Variants in FAM120A observed in about 807,000 individuals in gnomAD.
FAM120A encodes family with sequence similarity 120 member A, also known as constitutive coactivator of PPAR-gamma-like protein 1.
Under a neutral mutation model 109.7 loss-of-function variants are expected in FAM120A, and 15 were observed. The observed-to-expected ratio is 0.14, with a 90% CI of 0.09 to 0.21. The LOEUF is 0.21. FAM120A is among the 10% of genes least tolerant of loss of function. FAM120A has a pLI of 1.00. For synonymous variants in FAM120A, 493 were observed against 572.8 expected, an observed-to-expected ratio of 0.86 and a Z score of 1.99; for missense variants, 899 against 1,439.3, an observed-to-expected ratio of 0.62 and a Z score of 6.07.
intron 4 of FAM120A, 113 bp downstream of exon 4, chr9:93,497,712 G>T (rs537179401): frequency 6.6e-5 from 85 of 1,294,224 alleles, no homozygotes; most frequent in Admixed American, 2.6e-4. Context: ...GACTGGATGG[G>T]TCTGAGAGCT....
At chr9:93,506,744 C>T (rs1231929759) in intron 5 of FAM120A, among the ~76,000 whole-genome samples, 1 of 152,014 alleles carries the variant, frequency 6.6e-6, no homozygotes, top group African/African-American at 2.4e-5. Context: ...ATTACAGGTG[C>T]CTGCCACCAT....
chr9:93,521,799 C>T (rs1417746656), intron 7 of FAM120A, among the ~76,000 whole-genome samples: 2 of 152,200 alleles, frequency 1.3e-5, no homozygotes, highest in Non-Finnish European at 2.9e-5. Flanking sequence ...TTAAGAATTA[C>T]AGTTGAGGCC....
intron 1 of FAM120A, chr9:93,453,159 G>C: frequency 1.0e-6 from 1 of 1,003,060 alleles, no homozygotes; most frequent in Non-Finnish European, 1.2e-6. Context: ...CTCAAAATCA[G>C]GGGGCGAACT....
intron 5 of FAM120A, among the ~76,000 whole-genome samples, chr9:93,511,474 G>A (rs1437006389): frequency 6.6e-6 from 1 of 152,200 alleles, no homozygotes; most frequent in Admixed American, 6.5e-5. Context: ...TCTCCCTATA[G>A]GATGGCCAGA....
At chr9:93,535,806 A>G (rs905473190) in intron 10 of FAM120A, among the ~76,000 whole-genome samples, 1 of 152,202 alleles carries the variant, frequency 6.6e-6, no homozygotes. Flanking sequence ...TGTGATTGTT[A>G]AGTCTCAATG....
chr9:93,558,788 T>A (rs1413315344), intron 15 of FAM120A, 70 bp downstream of exon 15: 1 of 1,560,906 alleles, frequency 6.4e-7, no homozygotes. Flanking sequence ...TCTGGCGCCT[T>A]CCTTCCTCTA....
chr9:93,469,537 T>G (rs886922450), intron 1 of FAM120A, among the ~76,000 whole-genome samples: 2 of 152,214 alleles, frequency 1.3e-5, no homozygotes, highest in Non-Finnish European at 2.9e-5. Flanking sequence ...AAGTTGTACA[T>G]AATAAAAAGA....
intron 1 of FAM120A, among the ~76,000 whole-genome samples, chr9:93,454,722 A>G (rs915029180): frequency 6.6e-6 from 1 of 152,226 alleles, no homozygotes; most frequent in Non-Finnish European, 1.5e-5. Context: ...TGTTTATTCT[A>G]TAAGGATGAT....
intron 7 of FAM120A, 61 bp downstream of exon 7, chr9:93,516,330 T>A (rs1223897437): frequency 1.3e-6 from 2 of 1,590,224 alleles, no homozygotes; most frequent in Non-Finnish European, 1.7e-6. Context: ...GAAGCTGCCT[T>A]CTGGCCTGCC....
rs777861682 is a variant in FAM120A, at chr9:93,558,673, G to C, written c.2761G>C (p.Ala921Pro). ...GGCGGCAGCATCGGGACACTGCGGA[G>C]CCTTCTCAGGCAGTGACAGCAGCAG... The part of the protein sequence containing the change: ...RVAAASGHCG[A>P]FSGSDSSRTS... Residue 921 changes from alanine to proline, a missense_variant, in exon 15 of 18, where the codon GCC becomes CCC. Coordinates refer to ENST00000277165, the MANE Select transcript of FAM120A (RefSeq NM_014612.5). 1.4e-5 allele frequency: 22 copies of C among 1,614,146 alleles called. No homozygotes were observed. The highest frequency in any genetic ancestry group is 1.1e-5 in the Non-Finnish European group (13 of 1,180,020).
chr9:93,510,876 A>T (rs1166296836), intron 5 of FAM120A, among the ~76,000 whole-genome samples: 1 of 150,730 alleles, frequency 6.6e-6, no homozygotes, highest in African/African-American at 2.5e-5. Context: ...GCTACTTGAG[A>T]CTGGGGCACT....
intron 1 of FAM120A, among the ~76,000 whole-genome samples, chr9:93,457,886 A>G (rs780896021): frequency 5.9e-5 from 9 of 151,568 alleles, no homozygotes; most frequent in Non-Finnish European, 1.2e-4. Flanking sequence ...TTTTTCAATG[A>G]TCAAAATGCT....
At chr9:93,470,227 C>T (rs926315380) in intron 1 of FAM120A, among the ~76,000 whole-genome samples, 3 of 152,088 alleles carry the variant, frequency 2.0e-5, no homozygotes, top group Non-Finnish European at 2.9e-5. Context: ...ATTGTAGAAA[C>T]GAAAAACCTG....
intron 1 of FAM120A, chr9:93,453,081 A>G (rs1360763604): frequency 8.4e-6 from 9 of 1,069,220 alleles, no homozygotes; most frequent in Non-Finnish European, 1.0e-5. Flanking sequence ...CAGTTCTGTG[A>G]CTTCACGTCC....
intron 3 of FAM120A, among the ~76,000 whole-genome samples, chr9:93,489,572 A>G (rs1436107325): frequency 6.6e-6 from 1 of 152,208 alleles, no homozygotes; most frequent in Non-Finnish European, 1.5e-5. Context: ...TTCTTTGTTC[A>G]GTTTAAATCC....
rs192336723 is a variant in FAM120A, at chr9:93,453,736, G to C, written c.474+1347G>C. ...CAGGGAAGTTCGGGTGAGAGGAAGT[G>C]CCTGCCTTTTAATTTCTGAATCGGA... is the stretch of plus-strand genomic sequence containing the variant. On this transcript the variant is annotated intron_variant, in intron 1 of 17. Transcript: ENST00000277165. The C allele has an allele frequency of 5.5e-4, 373 of 678,786 alleles. 1 individual carries two copies. The African/African-American group carries it at 6.9e-3, about 12-fold the overall frequency. The allele number at this position is 678,786 out of a possible 1,614,324, so 42.0% of individuals were successfully genotyped here.
chr9:93,470,784 T>G (rs2131257748), intron 1 of FAM120A, among the ~76,000 whole-genome samples: 1 of 152,362 alleles, frequency 6.6e-6, no homozygotes, highest in Non-Finnish European at 1.5e-5. Context: ...CAGAACTCTT[T>G]ATTTTCTTGT....
At chr9:93,563,526 G>A (rs1862543370) in intron 17 of FAM120A, among the ~76,000 whole-genome samples, 1 of 152,242 alleles carries the variant, frequency 6.6e-6, no homozygotes. Flanking sequence ...GTGTGGGACA[G>A]CCCCATCACG....
intron 5 of FAM120A, among the ~76,000 whole-genome samples, chr9:93,507,143 A>G (rs1860097769): frequency 1.3e-5 from 2 of 152,126 alleles, no homozygotes. Flanking sequence ...GGTATAGGGA[A>G]AGGAGTGGGA....
Sources: allele counts gnomAD v4.1 joint callset (sites outside exome capture counted in the v4.1 genomes callset), GRCh38; gene constraint gnomAD v4.1.1; transcripts MANE v1.5; gene names NCBI Gene and HGNC (gene_info 2026-07-23, HGNC 2026-07-21).